LUZP2: variants seen among roughly 807,000 people sequenced by gnomAD.
LUZP2 encodes the protein leucine zipper protein 2.
In LUZP2, 52 loss-of-function variants were observed where a neutral mutation model predicts 51.6. The observed-to-expected ratio is 1.01, with a 90% confidence interval of 0.81 to 1.27. LUZP2 has a LOEUF of 1.27. Ranked by LOEUF, LUZP2 falls within the 50% of genes most tolerant of loss-of-function variation. LUZP2 has a pLI of 0.00. For missense variants in LUZP2, 436 were observed against 395.4 expected, an observed-to-expected ratio of 1.10 and a Z score of -0.87; for synonymous variants, 154 against 137.3, an observed-to-expected ratio of 1.12 and a Z score of -0.85.
chr11:24,822,622 A>G (rs2631510), intron 5 of LUZP2, among the ~76,000 whole-genome samples: 134,014 of 152,102 alleles, frequency 0.88, 59,847 homozygotes, highest in Non-Finnish European at 0.95. Context: ...CGCTTCCTTC[A>G]TGATGTTTAT....
chr11:24,657,530 C>A (rs1302739740), intron 1 of LUZP2, among the ~76,000 whole-genome samples: 1 of 152,126 alleles, frequency 6.6e-6, no homozygotes, highest in Non-Finnish European at 1.5e-5. Flanking sequence ...GACAGGGATG[C>A]CCTCTCTCAC....
At chr11:24,771,584 G>T (rs74326130) in intron 5 of LUZP2, among the ~76,000 whole-genome samples, 1 of 151,022 alleles carries the variant, frequency 6.6e-6, no homozygotes, top group Non-Finnish European at 1.5e-5. Flanking sequence ...GTTCTTACTA[G>T]TACTAATGAA....
intron 5 of LUZP2, among the ~76,000 whole-genome samples, chr11:24,874,337 T>C (rs532448196): frequency 6.6e-6 from 1 of 152,162 alleles, no homozygotes; most frequent in South Asian, 2.1e-4. Flanking sequence ...GAAAGAACAC[T>C]CAGGGGGCTG....
intron 5 of LUZP2, among the ~76,000 whole-genome samples, chr11:24,802,545 A>T (rs957258758): frequency 6.6e-6 from 1 of 151,946 alleles, no homozygotes; most frequent in Admixed American, 6.6e-5. Context: ...ACAGTTCATA[A>T]ATATTAAATA....
At chr11:24,524,359 G>C (rs577166928) in intron 1 of LUZP2, among the ~76,000 whole-genome samples, 1 of 151,806 alleles carries the variant, frequency 6.6e-6, no homozygotes, top group East Asian at 1.9e-4. Flanking sequence ...TCATGAGAAC[G>C]CAAGTTTTGG....
intron 5 of LUZP2, among the ~76,000 whole-genome samples, chr11:24,763,531 TTTTC>T (rs1213898379): frequency 5.3e-5 from 8 of 152,094 alleles, no homozygotes; most frequent in Non-Finnish European, 1.0e-4. Flanking sequence ...TCTAGTTCAT[TTTTC>T]TTTCTAATTA....
Position 25,049,975 on chromosome 11 carries a change from T to C in LUZP2, c.766-63T>C, listed in dbSNP as rs1858440639. On this transcript the variant is annotated intron_variant, in intron 9 of 11. Coordinates refer to ENST00000336930, the MANE Select transcript of LUZP2 (RefSeq NM_001009909.4). ...CAATAAAACGATTTGGATCTATTTG[T>C]TCAAACTATTTCTCTTGTATTTAGT... The C allele has an allele frequency of 1.2e-5, 11 of 895,926 alleles. No individual in the cohort carries two copies. In the South Asian group the frequency reaches 2.2e-4, roughly 18 times the overall value. 55.5% of individuals were successfully genotyped at this position (895,926 alleles called of 1,614,324 possible). A position where few individuals can be genotyped will look rare whatever the true frequency, so the allele number is the denominator to read the frequency against.
At chr11:24,839,778 T>C (rs925885695) in intron 5 of LUZP2, among the ~76,000 whole-genome samples, 2 of 151,792 alleles carry the variant, frequency 1.3e-5, no homozygotes, top group African/African-American at 4.8e-5. Flanking sequence ...TCTCAGTTTA[T>C]TCTTGTCTGC....
intron 1 of LUZP2, among the ~76,000 whole-genome samples, chr11:24,724,950 G>A (rs1434822633): frequency 6.6e-6 from 1 of 152,068 alleles, no homozygotes; most frequent in South Asian, 2.1e-4. Flanking sequence ...TAAATGTAAA[G>A]AATTTCCGTA....
chr11:24,960,350 G>A (rs972915843), intron 7 of LUZP2, among the ~76,000 whole-genome samples: 2 of 152,130 alleles, frequency 1.3e-5, no homozygotes, highest in African/African-American at 4.8e-5. Flanking sequence ...TGTACCTCTG[G>A]TAGAATTTGG....
chr11:24,899,753 A>G (rs1429236285), intron 5 of LUZP2, among the ~76,000 whole-genome samples: 2 of 152,180 alleles, frequency 1.3e-5, no homozygotes, highest in Non-Finnish European at 2.9e-5. Context: ...AAAAGACATA[A>G]CAATTCTTAA....
chr11:24,775,159 CATCT>C (rs1848878656), intron 5 of LUZP2, among the ~76,000 whole-genome samples: 1 of 152,030 alleles, frequency 6.6e-6, no homozygotes, highest in African/African-American at 2.4e-5. Flanking sequence ...CTGAAGGCTT[CATCT>C]AAGGGGTAGC....
At chr11:24,889,465 A>G (rs959530668) in intron 5 of LUZP2, among the ~76,000 whole-genome samples, 7 of 152,186 alleles carry the variant, frequency 4.6e-5, no homozygotes, top group Non-Finnish European at 5.9e-5. Flanking sequence ...ATCTGTTTCA[A>G]TGCCTAAGTA....
chr11:24,868,640 T>C (rs1851964304), intron 5 of LUZP2, among the ~76,000 whole-genome samples: 1 of 152,124 alleles, frequency 6.6e-6, no homozygotes, highest in South Asian at 2.1e-4. Context: ...AAATAATCTA[T>C]AGTGGAATAC....
intron 5 of LUZP2, among the ~76,000 whole-genome samples, chr11:24,773,088 T>C (rs1019097859): frequency 2.0e-5 from 3 of 152,188 alleles, no homozygotes; most frequent in Non-Finnish European, 2.9e-5. Context: ...GTAGTTTTTT[T>C]TTTTTTTTGA....
intron 1 of LUZP2, among the ~76,000 whole-genome samples, chr11:24,498,672 G>A (rs1849902214): frequency 1.3e-5 from 2 of 152,120 alleles, no homozygotes; most frequent in Admixed American, 1.3e-4. Flanking sequence ...TAAATACAGA[G>A]CCCATTTTAA....
chr11:24,918,544 T>C (rs1230858360), intron 7 of LUZP2, among the ~76,000 whole-genome samples: 2 of 151,794 alleles, frequency 1.3e-5, no homozygotes, highest in South Asian at 2.1e-4. Context: ...ATAAATTAGG[T>C]ATTGATGGGA....
chr11:24,627,917 A>T (rs1313976368), intron 1 of LUZP2, among the ~76,000 whole-genome samples: 1 of 152,142 alleles, frequency 6.6e-6, no homozygotes, highest in African/African-American at 2.4e-5. Flanking sequence ...TTTAACTGAC[A>T]TTTACTAATT....
chr11:24,596,605 G>C (rs1016281998), intron 1 of LUZP2, among the ~76,000 whole-genome samples: 1 of 152,292 alleles, frequency 6.6e-6, no homozygotes, highest in Non-Finnish European at 1.5e-5. Context: ...CCTTATAACA[G>C]AGTGCCTAAA....
Sources: gnomAD v4.1 joint callset for allele counts (sites outside exome capture counted in the v4.1 genomes callset) on GRCh38, gnomAD v4.1.1 for gene constraint, MANE v1.5 for transcripts, NCBI Gene and HGNC (gene_info 2026-07-23, HGNC 2026-07-21) for gene names.